The following RALYL variants were observed in gnomAD, a reference collection of about 807,000 sequenced individuals.
RALYL encodes RNA-binding Raly-like protein.
Under a neutral mutation model 35.1 loss-of-function variants are expected in RALYL, and 29 were observed. That is an observed-to-expected ratio of 0.83 (90% CI 0.61 to 1.13). RALYL has a LOEUF of 1.13. RALYL is among the 50% of genes most tolerant of loss of function. The probability of loss-of-function intolerance (pLI) is 0.00; values close to 1 mark genes in which losing one functional copy is unlikely to be tolerated. For missense variants in RALYL, 359 were observed against 360.4 expected (o/e 1.00, Z 0.03); for synonymous variants, 120 against 127.6 (o/e 0.94, Z 0.40).
chr8:84,401,404 G>A (rs1272913911), intron 1 of RALYL, among the ~76,000 whole-genome samples: 2 of 151,856 alleles, frequency 1.3e-5, no homozygotes, highest in Admixed American at 6.6e-5. Context: ...TTGGGAGGCC[G>A]AGGCGGGCGG....
chr8:84,802,484 G>A (rs1321790007), intron 3 of RALYL, among the ~76,000 whole-genome samples: 1 of 151,664 alleles, frequency 6.6e-6, no homozygotes, highest in Non-Finnish European at 1.5e-5. Context: ...GTAGGAGAAG[G>A]GGACAACTAT....
intron 4 of RALYL, among the ~76,000 whole-genome samples, chr8:84,837,028 C>CTCTT (rs1832158164): frequency 6.6e-6 from 1 of 152,178 alleles, no homozygotes; most frequent in South Asian, 2.1e-4. Flanking sequence ...CAAATCCCTA[C>CTCTT]TCTTTGCAAG....
intron 1 of RALYL, among the ~76,000 whole-genome samples, chr8:84,284,566 G>A (rs576756748): frequency 9.4e-4 from 143 of 152,196 alleles, no homozygotes; most frequent in Non-Finnish European, 1.8e-3. Flanking sequence ...GTTTACAAAT[G>A]TTTTCACCAC....
intron 1 of RALYL, among the ~76,000 whole-genome samples, chr8:84,199,622 G>A (rs1039537093): frequency 2.6e-5 from 4 of 152,160 alleles, no homozygotes; most frequent in African/African-American, 9.7e-5. Context: ...TAGTTTCATA[G>A]TTTGAGGTCT....
chr8:84,775,315 T>G (rs549476552), intron 3 of RALYL, among the ~76,000 whole-genome samples: 51 of 152,254 alleles, frequency 3.3e-4, no homozygotes, highest in African/African-American at 1.2e-3. Flanking sequence ...GTTGTTTAAT[T>G]TAATTTTCAC....
At chr8:84,302,355 C>T (rs918279016) in intron 1 of RALYL, among the ~76,000 whole-genome samples, 1 of 152,176 alleles carries the variant, frequency 6.6e-6, no homozygotes, top group African/African-American at 2.4e-5. Flanking sequence ...ACTAAGCCCA[C>T]TTGTTGAACA....
intron 2 of RALYL, among the ~76,000 whole-genome samples, chr8:84,741,629 T>G (rs114338536): frequency 4.6e-5 from 7 of 152,064 alleles, no homozygotes; most frequent in Non-Finnish European, 8.8e-5. Context: ...TTAATCACCT[T>G]CTAAAGACCT....
chr8:84,419,886 T>C (rs1046403225), intron 1 of RALYL, among the ~76,000 whole-genome samples: 89 of 152,026 alleles, frequency 5.9e-4, no homozygotes, highest in Non-Finnish European at 1.1e-3. Context: ...CATCATTTTT[T>C]ATGGCTGCAT....
chr8:84,360,752 G>T (rs1038181169), intron 1 of RALYL, among the ~76,000 whole-genome samples: 2 of 152,124 alleles, frequency 1.3e-5, no homozygotes, highest in Non-Finnish European at 2.9e-5. Flanking sequence ...GGAGGTATGT[G>T]ATATGCCTGC....
Position 84,612,870 on chromosome 8 carries a change from A to G in RALYL, c.256+83293A>G, listed in dbSNP as rs80263256. Among the ~76,000 whole-genome samples, 1,461 of 151,806 alleles carry G rather than the reference A, an allele frequency of 9.6e-3. 59 individuals are homozygous for G. Among genetic ancestry groups the G allele is most frequent in the African/African-American group, 0.034 (1,382 of 41,216 alleles). On this transcript the variant is annotated intron_variant, in intron 2 of 8. Transcript: ENST00000521268. ...TGCATGTTTATGAATCCATAGTGAC[A>G]CTGCACAAAGAAAAAAATCACCACT... is the stretch of plus-strand genomic sequence containing the variant.
chr8:84,743,729 A>G (rs1807922404), intron 2 of RALYL, among the ~76,000 whole-genome samples: 1 of 152,090 alleles, frequency 6.6e-6, no homozygotes, highest in African/African-American at 2.4e-5. Context: ...TCAACATTAA[A>G]AGGAAATTAG....
intron 1 of RALYL, among the ~76,000 whole-genome samples, chr8:84,244,271 A>G (rs1195187324): frequency 6.6e-6 from 1 of 152,216 alleles, no homozygotes; most frequent in Non-Finnish European, 1.5e-5. Context: ...ATACAGAAAC[A>G]TAAGAATACA....
intron 7 of RALYL, among the ~76,000 whole-genome samples, chr8:84,876,749 A>T (rs542135034): frequency 6.6e-6 from 1 of 152,308 alleles, no homozygotes; most frequent in East Asian, 1.9e-4. Flanking sequence ...GACTGGGACA[A>T]TTCCAGTGAT....
At chr8:84,216,519 T>C (rs530607316) in intron 1 of RALYL, among the ~76,000 whole-genome samples, 1 of 152,276 alleles carries the variant, frequency 6.6e-6, no homozygotes, top group East Asian at 1.9e-4. Flanking sequence ...CAAATTAACA[T>C]ATTCATCATC....
At chr8:84,289,046 C>T (rs569152654) in intron 1 of RALYL, among the ~76,000 whole-genome samples, 2 of 152,108 alleles carry the variant, frequency 1.3e-5, no homozygotes, top group East Asian at 3.9e-4. Context: ...AGACCAGAGG[C>T]CATCAGTGTT....
At chr8:84,500,171 T>C (rs564026311) in intron 1 of RALYL, among the ~76,000 whole-genome samples, 2 of 152,198 alleles carry the variant, frequency 1.3e-5, no homozygotes, top group Non-Finnish European at 2.9e-5. Flanking sequence ...ATATGATGAT[T>C]TAAAAACTGA....
intron 2 of RALYL, among the ~76,000 whole-genome samples, chr8:84,676,708 T>A (rs973520242): frequency 1.6e-4 from 24 of 152,226 alleles, no homozygotes; most frequent in Admixed American, 5.9e-4. Context: ...GGCCTTTCTG[T>A]GCTTGGAGTT....
intron 8 of RALYL, among the ~76,000 whole-genome samples, chr8:84,899,629 C>A (rs1198783916): frequency 6.6e-6 from 1 of 152,078 alleles, no homozygotes; most frequent in Non-Finnish European, 1.5e-5. Context: ...CAGGCAGCAG[C>A]CTGAGTCTTG....
At chr8:84,767,403 G>T (rs913834800) in intron 2 of RALYL, among the ~76,000 whole-genome samples, 4 of 152,222 alleles carry the variant, frequency 2.6e-5, no homozygotes, top group African/African-American at 9.6e-5. Flanking sequence ...AAAAGATACA[G>T]TTAGTAGCCC....
Sources: allele counts gnomAD v4.1 joint callset (sites outside exome capture counted in the v4.1 genomes callset), GRCh38; gene constraint gnomAD v4.1.1; transcripts MANE v1.5; gene names NCBI Gene and HGNC (gene_info 2026-07-23, HGNC 2026-07-21).